Variants in PFKFB2 observed in about 807,000 individuals in gnomAD.
The protein encoded by PFKFB2 is 6-phosphofructo-2-kinase/fructose-2,6-biphosphatase 2, also known as 6-phosphofructo-2-kinase/fructose-2,6-bisphosphatase 2.
PFKFB2 carries 53 observed loss-of-function variants against 68.0 expected under a neutral mutation model. That is an observed-to-expected ratio of 0.78 (90% confidence interval 0.63 to 0.98). PFKFB2 has a LOEUF of 0.98. Among genes scored for constraint, PFKFB2 ranks in the 50% least tolerant of loss-of-function variants. The pLI is 0.00. For missense variants in PFKFB2, 451 were observed against 642.0 expected (o/e 0.70, Z 3.22); for synonymous variants, 222 against 227.6 (o/e 0.98, Z 0.22).
chr1:207,078,293 G>T (rs17020246), downstream of PFKFB2, among the ~76,000 whole-genome samples: 8,288 of 152,092 alleles, frequency 0.054, 721 homozygotes, highest in African/African-American at 0.18. Flanking sequence ...TTTACCATTC[G>T]CATGCCTTAT....
chr1:207,071,734 TA>T (rs1683471392), intron 14 of PFKFB2, among the ~76,000 whole-genome samples, 161 bp downstream of exon 14: 1 of 123,314 alleles, frequency 8.1e-6, no homozygotes, highest in Non-Finnish European at 1.9e-5. Flanking sequence ...ATGTTGGAAT[TA>T]TTTTTTTTTT....
At chr1:207,068,810 T>G (rs573105929) in intron 10 of PFKFB2, among the ~76,000 whole-genome samples, 1 of 151,728 alleles carries the variant, frequency 6.6e-6, no homozygotes, top group African/African-American at 2.4e-5. Flanking sequence ...TGCAGTGGCG[T>G]GATCCTGGCT....
At chr1:207,050,726 T>C, upstream of PFKFB2, 3 of 1,613,328 alleles carry the variant, frequency 1.9e-6, no homozygotes, top group South Asian at 1.1e-5. Flanking sequence ...GGTATCCCCA[T>C]TGCTGAGATC....
At chr1:207,050,822 C>T, upstream of PFKFB2, 1 of 1,613,200 alleles carries the variant, frequency 6.2e-7, no homozygotes, top group Non-Finnish European at 8.5e-7. Flanking sequence ...CTGGAGTTCC[C>T]GCACCCGGGT....
rs757221768 is a variant in PFKFB2 at position 207,070,450 on chromosome 1, G to A, written c.1222+41G>A. ...GGGCTGGGAGACACATCCAGTGGGA[G>A]AGGGCTGGACTTGCAGTGGCACCAG... On this transcript the variant is annotated intron_variant, in intron 12 of 14. Coordinates refer to ENST00000367080, the MANE Select transcript of PFKFB2 (RefSeq NM_006212.2). The surrounding 1 kb of genome is among the most constrained non-coding windows in gnomAD (Gnocchi z 4.2). The A allele has an allele frequency of 2.2e-5, 35 of 1,605,736 alleles. No homozygotes were observed. The highest frequency in any genetic ancestry group is 2.7e-5 in the Non-Finnish European group (32 of 1,174,970).
chr1:207,050,957 T>C (rs746107083), upstream of PFKFB2: 17 of 1,561,974 alleles, frequency 1.1e-5, no homozygotes, highest in African/African-American at 2.0e-4. Flanking sequence ...CCCGGCAGCC[T>C]GTTGGGAGAC....
chr1:207,072,386 C>A lies in PFKFB2; in HGVS notation c.*15C>A. 6.2e-7 allele frequency: 1 copy of A among 1,610,698 alleles called. No homozygotes were observed. Among genetic ancestry groups the A allele is most frequent in the Non-Finnish European group, 8.5e-7 (1 of 1,178,170 alleles). ...GGGCCGACTAGCCGAAGACCCAAGTCAGCATTCCGGTGGTGTAACTGTGTG... is the reference window on the plus strand; with the variant it reads ...GGGCCGACTAGCCGAAGACCCAAGTAAGCATTCCGGTGGTGTAACTGTGTG... On this transcript the variant is annotated 3_prime_UTR_variant, in exon 15 of 15. Coordinates refer to ENST00000367080, the MANE Select transcript of PFKFB2 (RefSeq NM_006212.2).
chr1:207,050,974 G>T, upstream of PFKFB2: 1 of 1,541,322 alleles, frequency 6.5e-7, no homozygotes, highest in African/African-American at 1.4e-5. Flanking sequence ...AGACGCCGCC[G>T]GGGAAACCAG....
upstream of PFKFB2, chr1:207,049,108 C>T (rs749496673): frequency 6.2e-7 from 1 of 1,614,010 alleles, no homozygotes; most frequent in Non-Finnish European, 8.5e-7. Flanking sequence ...ACATACCATG[C>T]ATCTCAGGGT....
intron 2 of PFKFB2, among the ~76,000 whole-genome samples, chr1:207,055,672 G>A (rs951180195): frequency 6.6e-6 from 1 of 151,256 alleles, no homozygotes; most frequent in African/African-American, 2.4e-5. Context: ...TAGCCAGTTA[G>A]TCAAGGAATA....
intron 2 of PFKFB2, among the ~76,000 whole-genome samples, chr1:207,057,322 A>T (rs1003515272): frequency 2.2e-4 from 33 of 148,774 alleles, no homozygotes; most frequent in African/African-American, 7.8e-4. Context: ...AAAAAAAAAA[A>T]AAAAAACTAG....
In PFKFB2 at chr1:207,073,098, G is replaced by C; in HGVS notation, c.*727G>C. The stretch of plus-strand genomic sequence containing the variant: ...CCACAGAATATTCTGGAGCTTGCAA[G>C]TAGACATAGGGTGAGAGTTCTTGCC... On this transcript the variant is annotated 3_prime_UTR_variant, in exon 15 of 15. Coordinates refer to ENST00000367080, the MANE Select transcript of PFKFB2 (RefSeq NM_006212.2). The C allele has an allele frequency of 1.0e-6, 1 of 985,520 alleles. No homozygotes were observed. Among genetic ancestry groups the C allele is most frequent in the Non-Finnish European group, 1.2e-6 (1 of 829,974 alleles). 61.0% of individuals were successfully genotyped at this position (985,520 alleles called of 1,614,324 possible).
intron 10 of PFKFB2, among the ~76,000 whole-genome samples, chr1:207,069,046 A>G (rs995565620): frequency 1.3e-5 from 2 of 152,106 alleles, no homozygotes; most frequent in African/African-American, 2.4e-5. Context: ...TGCCCGGCCG[A>G]CATTTCTTTT....
rs547010275 is a variant in PFKFB2, at chr1:207,069,677, C to T, written c.1092+149C>T. ...TCATTTTGGTTTCATTCAGCTTAGA[C>T]AATCGAATGCCTCATTAATTGTTAA... is the stretch of plus-strand genomic sequence containing the variant. On this transcript the variant is annotated intron_variant, in intron 11 of 14. Coordinates refer to ENST00000367080, the MANE Select transcript of PFKFB2 (RefSeq NM_006212.2). The T allele has an allele frequency of 6.3e-5, 37 of 589,704 alleles. No homozygotes were observed. The Admixed American group carries it at 7.9e-4, about 13-fold the overall frequency. The allele number at this position is 589,704 out of a possible 1,614,324, so 36.5% of individuals were successfully genotyped here.
At chr1:207,064,236 C>G (rs2102353930) in intron 7 of PFKFB2, among the ~76,000 whole-genome samples, 1 of 152,060 alleles carries the variant, frequency 6.6e-6, no homozygotes, top group East Asian at 1.9e-4. Context: ...TGCTTGAACC[C>G]AGAAGGATCA....
intron 2 of PFKFB2, chr1:207,045,381 CA>C (rs1224096629): frequency 6.6e-6 from 1 of 152,464 alleles, no homozygotes; most frequent in East Asian, 1.9e-4. Context: ...AATGTTGTGC[CA>C]ATAGATACAC....
At chr1:207,043,583 A>G (rs1682521179) in intron 2 of PFKFB2, among the ~76,000 whole-genome samples, 1 of 152,218 alleles carries the variant, frequency 6.6e-6, no homozygotes, top group Non-Finnish European at 1.5e-5. Context: ...TTCCACACTG[A>G]CAACTTGTCA....
rs1683593921 is a variant in PFKFB2, at chr1:207,075,433, C to T, written c.*3062C>T. 10 of 985,256 alleles carry T rather than the reference C, an allele frequency of 1.0e-5. No homozygotes were observed. The highest frequency in any genetic ancestry group is 1.7e-5 in the African/African-American group (1 of 57,214). 61.0% of individuals were successfully genotyped at this position (985,256 alleles called of 1,614,324 possible). On this transcript the variant is annotated 3_prime_UTR_variant, in exon 15 of 15. Coordinates refer to ENST00000367080, the MANE Select transcript of PFKFB2 (RefSeq NM_006212.2). The stretch of plus-strand genomic sequence containing the variant: ...GTAGAATGGAAAAGAGCTCTTACTC[C>T]AAATTTTAGAGAAGTTTCAGCTCTA...
chr1:207,034,722 C>G (rs1682345061), intron 1 of PFKFB2, among the ~76,000 whole-genome samples: 1 of 152,252 alleles, frequency 6.6e-6, no homozygotes, highest in Non-Finnish European at 1.5e-5. Context: ...TTCAGATACA[C>G]TGACATAACA....
Sources: allele counts gnomAD v4.1 joint callset (sites outside exome capture counted in the v4.1 genomes callset), GRCh38; gene constraint gnomAD v4.1.1; non-coding constraint Gnocchi (gnomAD v3.1); transcripts MANE v1.5; gene names NCBI Gene and HGNC (gene_info 2026-07-23, HGNC 2026-07-21).